The following KIZ variants were observed in gnomAD, a reference collection of about 807,000 sequenced individuals.
KIZ encodes the protein centrosomal protein kizuna.
KIZ carries 68 observed loss-of-function variants against 79.6 expected under a neutral mutation model. That is an observed-to-expected ratio of 0.85 (90% CI 0.70 to 1.05). KIZ has a LOEUF of 1.05. KIZ is among the 50% of genes least tolerant of loss of function. The pLI, the probability that KIZ is intolerant of heterozygous loss-of-function variation, is 0.00. For missense variants in KIZ, 797 were observed against 800.4 expected (o/e 1.00, Z 0.05); for synonymous variants, 280 against 281.8 (o/e 0.99, Z 0.06).
Position 21,214,600 on chromosome 20 carries a change from T to C in KIZ, c.1512T>C (p.Ser504=), listed in dbSNP as rs373263519. The C allele has an allele frequency of 5.0e-6, 8 of 1,612,922 alleles. No homozygotes were observed. The African/African-American group carries it at 6.7e-5, about 13-fold the overall frequency. The change falls in exon 8 of 13, where the codon AGT becomes AGC. Residue 504 remains serine, a synonymous_variant. Coordinates refer to ENST00000619189, the MANE Select transcript of KIZ (RefSeq NM_018474.6). ...ECGRRSAIHS[S]ESSCSLPSIL... ...GCCGTAGGTCAGCTATTCACAGTAGTGAATCATCTTGCAGCTTGCCATCTA... is the reference window on the plus strand; with the variant it reads ...GCCGTAGGTCAGCTATTCACAGTAGCGAATCATCTTGCAGCTTGCCATCTA...
At chr20:21,167,523 C>G (rs1276004863) in intron 6 of KIZ, among the ~76,000 whole-genome samples, 3 of 150,498 alleles carry the variant, frequency 2.0e-5, no homozygotes, top group African/African-American at 7.3e-5. Context: ...AACCAACAAG[C>G]AGTTTCTCAT....
intron 6 of KIZ, among the ~76,000 whole-genome samples, chr20:21,185,320 G>C (rs2034829095): frequency 6.7e-6 from 1 of 148,736 alleles, no homozygotes; most frequent in African/African-American, 2.5e-5. Context: ...CTGGAAATGT[G>C]TTTTTAAATC....
chr20:21,160,438 C>A (rs2033600354), intron 4 of KIZ, among the ~76,000 whole-genome samples: 1 of 152,142 alleles, frequency 6.6e-6, no homozygotes, highest in Non-Finnish European at 1.5e-5. Flanking sequence ...TCCTTCCCCT[C>A]AACCCCTGCT....
chr20:21,221,441 C>T (rs1477361528), intron 9 of KIZ, among the ~76,000 whole-genome samples: 2 of 152,146 alleles, frequency 1.3e-5, no homozygotes, highest in Non-Finnish European at 2.9e-5. Flanking sequence ...TCCCACCCCA[C>T]GTGCCCATCC....
In KIZ at chr20:21,165,894, G is replaced by A. The variant is rs147370501; in HGVS notation, c.1352+2735G>A. On this transcript the variant is annotated intron_variant, in intron 6 of 12. Transcript: ENST00000619189. Reference sequence around the variant, plus strand: ...GCTCGCTGCAACCTTTGCCTCCTGGGTTCAAGCTATTCTGCCTCAGCCTTA... The same window carrying A: ...GCTCGCTGCAACCTTTGCCTCCTGGATTCAAGCTATTCTGCCTCAGCCTTA... Among the ~76,000 whole-genome samples the A allele has an allele frequency of 1.6e-3, 251 of 152,292 alleles. 1 individual carries two copies. The highest frequency in any genetic ancestry group is 6.0e-3 in the African/African-American group (248 of 41,574).
intron 6 of KIZ, among the ~76,000 whole-genome samples, chr20:21,201,521 C>T (rs536114347): frequency 1.3e-4 from 20 of 152,178 alleles, no homozygotes; most frequent in South Asian, 4.1e-4. Context: ...ATATGAAAAT[C>T]TCTATTTTAG....
chr20:21,244,190 A>G lies in KIZ; in HGVS notation c.1881-55A>G. On this transcript the variant is annotated intron_variant, in intron 11 of 12. Coordinates refer to ENST00000619189, the MANE Select transcript of KIZ (RefSeq NM_018474.6). The stretch of plus-strand genomic sequence containing the variant: ...TCTCTAATGCGTTCATTATGAAAAT[A>G]TTAGTCTCATTGTCTTTTCTTTTTC... The G allele has an allele frequency of 6.5e-6, 8 of 1,239,344 alleles. No individual in the cohort carries two copies. The South Asian group carries it at 8.6e-5, about 13-fold the overall frequency. 76.8% of individuals were successfully genotyped at this position (1,239,344 alleles called of 1,614,324 possible).
At chr20:21,135,262 A>G (rs565174253) in intron 2 of KIZ, among the ~76,000 whole-genome samples, 51 of 152,314 alleles carry the variant, frequency 3.3e-4, no homozygotes, top group Non-Finnish European at 3.5e-4. Context: ...AAGGCATAGT[A>G]CAATTGTACC....
At chr20:21,190,077 TG>T in intron 6 of KIZ, among the ~76,000 whole-genome samples, 1 of 152,250 alleles carries the variant, frequency 6.6e-6, no homozygotes. Context: ...AACTTCACTG[TG>T]GCCTCACATA....
chr20:21,209,925 T>G (rs1388307850), intron 7 of KIZ, among the ~76,000 whole-genome samples: 1 of 123,456 alleles, frequency 8.1e-6, no homozygotes, highest in Non-Finnish European at 1.8e-5. Flanking sequence ...GAGCATATGT[T>G]TTCTTTTAAA....
chr20:21,209,416 A>G (rs2035971305), intron 7 of KIZ, among the ~76,000 whole-genome samples: 1 of 152,228 alleles, frequency 6.6e-6, no homozygotes, highest in Non-Finnish European at 1.5e-5. Flanking sequence ...ACAGCAGAGC[A>G]ATATGCTGGT....
intron 10 of KIZ, among the ~76,000 whole-genome samples, chr20:21,229,396 A>G (rs989991024): frequency 1.3e-5 from 2 of 152,218 alleles, no homozygotes; most frequent in African/African-American, 4.8e-5. Context: ...AGTGACCCTG[A>G]GAAGACACAC....
intron 12 of KIZ, 179 bp downstream of exon 12, chr20:21,244,467 GACAGGACCACACGGGT>G: frequency 1.6e-6 from 1 of 614,114 alleles, no homozygotes; most frequent in East Asian, 2.8e-5. Context: ...GTTCTTCACA[GACAGGACCACACGGGT>G]GCCATGGACC....
intron 4 of KIZ, among the ~76,000 whole-genome samples, chr20:21,152,452 T>G (rs1013892209): frequency 6.6e-6 from 1 of 152,090 alleles, no homozygotes; most frequent in Non-Finnish European, 1.5e-5. Flanking sequence ...AAATTGGAGG[T>G]GCCTTTCTAT....
chr20:21,164,169 C>T (rs2033824510), intron 6 of KIZ, among the ~76,000 whole-genome samples: 1 of 152,134 alleles, frequency 6.6e-6, no homozygotes, highest in Non-Finnish European at 1.5e-5. Flanking sequence ...GCCAAGTGGG[C>T]CTTTTTGTAC....
chr20:21,202,860 C>T (rs60797520), intron 6 of KIZ, among the ~76,000 whole-genome samples: 3,186 of 152,194 alleles, frequency 0.021, 98 homozygotes, highest in African/African-American at 0.068. Context: ...CATTTTTAAA[C>T]ATTCGAAGTC....
chr20:21,126,719 T>C (rs2031500086), intron 1 of KIZ, among the ~76,000 whole-genome samples: 1 of 152,166 alleles, frequency 6.6e-6, no homozygotes, highest in African/African-American at 2.4e-5. Context: ...GAGGGCTGGC[T>C]AGATTTCCAG....
intron 2 of KIZ, among the ~76,000 whole-genome samples, chr20:21,134,789 C>T (rs537182586): frequency 1.8e-4 from 27 of 151,880 alleles, no homozygotes; most frequent in Middle Eastern, 3.4e-3. Context: ...GCCTCAGCCT[C>T]CTGAGTAGCT....
At chr20:21,168,462 G>A (rs2034056210) in intron 6 of KIZ, among the ~76,000 whole-genome samples, 1 of 152,160 alleles carries the variant, frequency 6.6e-6, no homozygotes, top group Non-Finnish European at 1.5e-5. Context: ...AACATTCCAT[G>A]CTCATGGGTA....
Sources: gnomAD v4.1 joint callset for allele counts (sites outside exome capture counted in the v4.1 genomes callset) on GRCh38, gnomAD v4.1.1 for gene constraint, MANE v1.5 for transcripts, NCBI Gene and HGNC (gene_info 2026-07-23, HGNC 2026-07-21) for gene names.